Variants in GRIK3 observed in about 807,000 individuals in gnomAD.
The protein encoded by GRIK3 is glutamate ionotropic receptor kainate type subunit 3.
Under a neutral mutation model 102.5 loss-of-function variants are expected in GRIK3, and 29 were observed. The observed-to-expected ratio is 0.28, with a 90% CI of 0.21 to 0.39. The LOEUF (loss-of-function observed/expected upper bound fraction) is 0.39. Among genes scored for constraint, GRIK3 ranks in the 10% least tolerant of loss-of-function variants. The pLI, the probability that GRIK3 is intolerant of heterozygous loss-of-function variation, is 1.00. For missense variants in GRIK3, 908 were observed against 1,252.4 expected (o/e 0.73, Z 4.15); for synonymous variants, 511 against 504.9 (o/e 1.01, Z -0.16).
At chr1:36,926,412 A>G (rs1231995967) in intron 1 of GRIK3, among the ~76,000 whole-genome samples, 2 of 146,710 alleles carry the variant, frequency 1.4e-5, no homozygotes, top group Admixed American at 6.8e-5. Flanking sequence ...TTTTTTTGAG[A>G]TGGAGTCTCA....
chr1:36,865,639 G>C (rs546621038), intron 5 of GRIK3, among the ~76,000 whole-genome samples: 117 of 152,324 alleles, frequency 7.7e-4, no homozygotes, highest in African/African-American at 2.7e-3. Context: ...GTATTGCAAG[G>C]GCTATGCCTC....
chr1:36,893,456 TTAAAA>T (rs1360421259), intron 1 of GRIK3, among the ~76,000 whole-genome samples: 1 of 152,212 alleles, frequency 6.6e-6, no homozygotes, highest in Non-Finnish European at 1.5e-5. Flanking sequence ...TCCCTAATAA[TTAAAA>T]TAAACTCAAT....
chr1:36,932,628 G>A (rs917541837), intron 1 of GRIK3, among the ~76,000 whole-genome samples: 10 of 152,176 alleles, frequency 6.6e-5, no homozygotes, highest in Non-Finnish European at 1.2e-4. Context: ...CTTCTATTAA[G>A]AAGCTTCTTG....
chr1:36,973,515 G>A lies in GRIK3; in HGVS notation c.115+60479C>T, dbSNP rs376448237. Among the ~76,000 whole-genome samples the A allele has an allele frequency of 7.1e-4, 106 of 150,308 alleles. 1 individual carries two copies. The East Asian group carries it at 0.018, about 26-fold the overall frequency. ...GCTCACCACAACCTCCACCTCCCGGGTTCAAGCAATTCTCCTGTCTCAGCC... is the reference window on the plus strand; with the variant it reads ...GCTCACCACAACCTCCACCTCCCGGATTCAAGCAATTCTCCTGTCTCAGCC... On this transcript the variant is annotated intron_variant, in intron 1 of 15. Transcript: ENST00000373091.
chr1:36,954,885 G>A (rs869060), intron 1 of GRIK3, among the ~76,000 whole-genome samples: 13,250 of 152,266 alleles, frequency 0.087, 952 homozygotes, highest in African/African-American at 0.2. Context: ...GTGGACCCAG[G>A]GACACATGCC....
At chr1:36,830,810 C>CAAAAA (rs948901521) in intron 10 of GRIK3, among the ~76,000 whole-genome samples, 2 of 41,360 alleles carry the variant, frequency 4.8e-5, no homozygotes, top group Admixed American at 3.2e-4. Context: ...GACTCTGTCT[C>CAAAAA]AAAAAAAAAA....
At chr1:36,886,702 G>T (rs533215192) in intron 2 of GRIK3, among the ~76,000 whole-genome samples, 1 of 152,174 alleles carries the variant, frequency 6.6e-6, no homozygotes, top group Non-Finnish European at 1.5e-5. Context: ...GCACATGACT[G>T]TTATGAATTT....
At chr1:36,874,824 T>A (rs1193155103) in intron 3 of GRIK3, among the ~76,000 whole-genome samples, 1 of 152,166 alleles carries the variant, frequency 6.6e-6, no homozygotes, top group African/African-American at 2.4e-5. Context: ...CCCCATGTAA[T>A]GCATGGTGAC....
At chr1:36,856,998 C>T (rs890646433) in intron 7 of GRIK3, among the ~76,000 whole-genome samples, 1 of 152,172 alleles carries the variant, frequency 6.6e-6, no homozygotes, top group African/African-American at 2.4e-5. Flanking sequence ...CAGGCGTTGT[C>T]CCTAGTGCGA....
At chr1:37,020,277 T>C (rs947613472) in intron 1 of GRIK3, among the ~76,000 whole-genome samples, 5 of 151,972 alleles carry the variant, frequency 3.3e-5, no homozygotes, top group African/African-American at 1.2e-4. Flanking sequence ...ACCGCTGGGG[T>C]TGTTTAGGGA....
At chr1:36,926,625 G>A (rs534269399) in intron 1 of GRIK3, among the ~76,000 whole-genome samples, 40 of 152,104 alleles carry the variant, frequency 2.6e-4, no homozygotes, top group African/African-American at 8.4e-4. Flanking sequence ...TCCTGACCTC[G>A]TGATCTGTCC....
rs375389062 is a variant in GRIK3, at chr1:36,801,803, C to T, written c.*48G>A. ...GGGACGTTCCTTCCAATCTCCTTTG[C>T]TTTCCTCTGCCCAGCCCCCAGGCCT... is the stretch of plus-strand genomic sequence containing the variant. On this transcript the variant is annotated 3_prime_UTR_variant, in exon 16 of 16. Transcript: ENST00000373091. 2.9e-5 allele frequency: 43 copies of T among 1,490,398 alleles called. No individual in the cohort carries two copies. Among genetic ancestry groups the T allele is most frequent in the Admixed American group, 4.2e-5 (2 of 47,906 alleles). The allele number at this position is 1,490,398 out of a possible 1,614,324, so 92.3% of individuals were successfully genotyped here.
chr1:36,833,792 G>A (rs1165212679), intron 10 of GRIK3, among the ~76,000 whole-genome samples: 2 of 152,190 alleles, frequency 1.3e-5, no homozygotes, highest in Non-Finnish European at 2.9e-5. Flanking sequence ...TGGGGTTGGG[G>A]GACAGCTTCC....
chr1:36,849,382 G>T lies in GRIK3; in HGVS notation c.1326+929C>A, dbSNP rs184184796. On this transcript the variant is annotated intron_variant, in intron 9 of 15. Transcript: ENST00000373091. The stretch of plus-strand genomic sequence containing the variant: ...AAGGCAGCCTCACTATATCCAAAAC[G>T]GGTTGAACTCCCTTTTGTGTAGAGG... 2.0e-5 allele frequency among the ~76,000 whole-genome samples: 3 copies of T among 152,266 alleles called. No individual in the cohort carries two copies. The East Asian group carries it at 5.8e-4, about 29-fold the overall frequency.
intron 10 of GRIK3, among the ~76,000 whole-genome samples, chr1:36,834,110 C>T (rs1640344906): frequency 6.6e-6 from 1 of 152,184 alleles, no homozygotes; most frequent in East Asian, 1.9e-4. Context: ...TAGATAATTG[C>T]CCATTTCTTC....
At chr1:36,839,325 T>G (rs1640420135) in intron 10 of GRIK3, among the ~76,000 whole-genome samples, 1 of 152,180 alleles carries the variant, frequency 6.6e-6, no homozygotes, top group African/African-American at 2.4e-5. Flanking sequence ...ATTATAGTTA[T>G]TACTAATAAC....
intron 1 of GRIK3, among the ~76,000 whole-genome samples, chr1:36,961,314 C>T (rs957430421): frequency 5.3e-5 from 8 of 152,222 alleles, no homozygotes; most frequent in Non-Finnish European, 1.2e-4. Context: ...AGGAAAGGGG[C>T]CTTGGCCTGA....
chr1:36,937,252 C>T (rs1641669344), intron 1 of GRIK3, among the ~76,000 whole-genome samples: 1 of 152,108 alleles, frequency 6.6e-6, no homozygotes, highest in Admixed American at 6.5e-5. Flanking sequence ...GGAGACACAG[C>T]ATGGTGCCAC....
chr1:36,949,807 G>A (rs1251255869), intron 1 of GRIK3, among the ~76,000 whole-genome samples: 1 of 152,032 alleles, frequency 6.6e-6, no homozygotes, highest in Non-Finnish European at 1.5e-5. Context: ...TCGAACTTCT[G>A]ACCTCAGGTG....
Sources: allele counts gnomAD v4.1 joint callset (sites outside exome capture counted in the v4.1 genomes callset), GRCh38; gene constraint gnomAD v4.1.1; transcripts MANE v1.5; gene names NCBI Gene and HGNC (gene_info 2026-07-23, HGNC 2026-07-21).